Variants in STARD3NL observed in about 807,000 individuals in gnomAD.
The protein encoded by STARD3NL is STARD3 N-terminal like.
STARD3NL carries 17 observed loss-of-function variants against 30.9 expected under a neutral mutation model. The observed-to-expected ratio is 0.55, with a 90% CI of 0.38 to 0.82. The LOEUF (loss-of-function observed/expected upper bound fraction) is 0.82, where lower values mean the gene tolerates loss of function less well. Ranked by LOEUF, STARD3NL falls within the 40% of genes least tolerant of loss-of-function variation. The pLI is 0.00. For synonymous variants in STARD3NL, 112 were observed against 100.5 expected (o/e 1.11, Z -0.69); for missense variants, 234 against 277.6 (o/e 0.84, Z 1.12).
intron 7 of STARD3NL, among the ~76,000 whole-genome samples, chr7:38,222,879 G>A (rs553714980): frequency 2.0e-5 from 3 of 152,218 alleles, no homozygotes; most frequent in Non-Finnish European, 4.4e-5. Flanking sequence ...AATTAAAAAT[G>A]AAAACTGTTA....
At chr7:38,188,434 A>T (rs763162387) in intron 1 of STARD3NL, among the ~76,000 whole-genome samples, 72 of 152,032 alleles carry the variant, frequency 4.7e-4, no homozygotes, top group Non-Finnish European at 4.4e-4. Context: ...AATAATCTCG[A>T]CCCCTCAGTT....
Position 38,217,330 on chromosome 7 carries a change from C to T in STARD3NL, c.553+25C>T, listed in dbSNP as rs377150233. 8 of 1,608,882 alleles carry T rather than the reference C, an allele frequency of 5.0e-6. No homozygotes were observed. The African/African-American group carries it at 8.0e-5, about 16-fold the overall frequency. ...AGTAAGTTCCTCTCAAAGTCAGCCTCCTGAGGCGGACTGGATACCAAGCTG... is the reference window on the plus strand; with the variant it reads ...AGTAAGTTCCTCTCAAAGTCAGCCTTCTGAGGCGGACTGGATACCAAGCTG... On this transcript the variant is annotated intron_variant, in intron 6 of 8. Coordinates refer to ENST00000009041, the MANE Select transcript of STARD3NL (RefSeq NM_032016.4).
intron 4 of STARD3NL, chr7:38,215,352 T>A: frequency 2.0e-6 from 1 of 499,226 alleles, no homozygotes; most frequent in Non-Finnish European, 3.5e-6. Flanking sequence ...CAACAGTGAT[T>A]ATTGGCCAAG....
intron 1 of STARD3NL, among the ~76,000 whole-genome samples, chr7:38,186,130 T>C (rs987452760): frequency 1.3e-5 from 2 of 152,188 alleles, no homozygotes; most frequent in South Asian, 4.1e-4. Context: ...CCAAGGCTGG[T>C]GATACATCTC....
intron 1 of STARD3NL, among the ~76,000 whole-genome samples, chr7:38,180,480 G>C (rs991501200): frequency 4.6e-5 from 7 of 152,196 alleles, no homozygotes; most frequent in Non-Finnish European, 8.8e-5. Context: ...CTTCATTAGA[G>C]CTTGTATTAC....
rs1415727348 is a variant in STARD3NL at position 38,203,931 on chromosome 7, A to G, written c.-58-3516A>G. Among the ~76,000 whole-genome samples the G allele has an allele frequency of 2.0e-5, 3 of 151,896 alleles. No homozygotes were observed. The East Asian group carries it at 6.1e-4, about 31-fold the overall frequency. Reference sequence around the variant, plus strand: ...ATCAATTCAACAAGAAGAGCTAACTATCCTAAATATATATGCACCCAATAC... The same window carrying G: ...ATCAATTCAACAAGAAGAGCTAACTGTCCTAAATATATATGCACCCAATAC... On this transcript the variant is annotated intron_variant, in intron 1 of 8. Transcript: ENST00000009041.
chr7:38,190,891 G>A (rs954364317), intron 1 of STARD3NL, among the ~76,000 whole-genome samples: 2 of 152,084 alleles, frequency 1.3e-5, no homozygotes, highest in Non-Finnish European at 2.9e-5. Context: ...CTAAATTCAA[G>A]TAAAACTTCT....
intron 1 of STARD3NL, among the ~76,000 whole-genome samples, chr7:38,198,774 G>A (rs1400702162): frequency 6.6e-6 from 1 of 152,150 alleles, no homozygotes; most frequent in Non-Finnish European, 1.5e-5. Context: ...AGTAGTGGTA[G>A]CTCCTGCTCC....
At chr7:38,208,230 T>C (rs1380276708) in intron 2 of STARD3NL, among the ~76,000 whole-genome samples, 1 of 152,208 alleles carries the variant, frequency 6.6e-6, no homozygotes, top group Non-Finnish European at 1.5e-5. Context: ...TTGGAATATG[T>C]TTTAGATGTT....
At chr7:38,181,030 A>C (rs1784224161) in intron 1 of STARD3NL, among the ~76,000 whole-genome samples, 1 of 152,228 alleles carries the variant, frequency 6.6e-6, no homozygotes, top group Non-Finnish European at 1.5e-5. Context: ...TGTAAAAGTT[A>C]ATTTTAAAGA....
intron 7 of STARD3NL, among the ~76,000 whole-genome samples, chr7:38,221,611 A>C (rs567167859): frequency 6.6e-6 from 1 of 152,346 alleles, no homozygotes; most frequent in African/African-American, 2.4e-5. Flanking sequence ...CCAGTGCTAG[A>C]GTTCATGCTT....
intron 2 of STARD3NL, among the ~76,000 whole-genome samples, 162 bp downstream of exon 2, chr7:38,207,891 A>C (rs1785583967): frequency 6.6e-6 from 1 of 152,042 alleles, no homozygotes; most frequent in African/African-American, 2.4e-5. Flanking sequence ...CTTGTTCTTT[A>C]ATATTATTGT....
rs1786785655 is a variant in STARD3NL at position 38,226,642 on chromosome 7, C to T, written c.650-2157C>T. Among the ~76,000 whole-genome samples, 3 of 152,242 alleles carry T rather than the reference C, an allele frequency of 2.0e-5. No individual in the cohort carries two copies. In the South Asian group the frequency reaches 6.2e-4, roughly 31 times the overall value. The stretch of plus-strand genomic sequence containing the variant: ...TCAGGCTAATTGGCTGGCTTGGGCT[C>T]TCTTGGGTCTCCTCTGTGCATGGAG... On this transcript the variant is annotated intron_variant, in intron 7 of 8. Coordinates refer to ENST00000009041, the MANE Select transcript of STARD3NL (RefSeq NM_032016.4).
chr7:38,179,708 A>G lies in STARD3NL; in HGVS notation c.-59+1288A>G, dbSNP rs1465499332. Among the ~76,000 whole-genome samples, 4 of 152,234 alleles carry G rather than the reference A, an allele frequency of 2.6e-5. No individual in the cohort carries two copies. In the East Asian group the frequency reaches 5.8e-4, roughly 22 times the overall value. On this transcript the variant is annotated intron_variant, in intron 1 of 8. Transcript: ENST00000009041. ...ATGTAAATCAAAGAGACAAGTTTAG[A>G]TAGGAATAAATGTCAGAAAAGATAC... is the stretch of plus-strand genomic sequence containing the variant.
At chr7:38,188,213 T>G (rs371604996) in intron 1 of STARD3NL, among the ~76,000 whole-genome samples, 14 of 152,324 alleles carry the variant, frequency 9.2e-5, no homozygotes, top group East Asian at 7.7e-4. Flanking sequence ...CAGCCCTTTG[T>G]TAACTGATCT....
chr7:38,194,192 T>C (rs1320724669), intron 1 of STARD3NL, among the ~76,000 whole-genome samples: 2 of 152,324 alleles, frequency 1.3e-5, no homozygotes. Flanking sequence ...ACTTATACTT[T>C]GAAAGTGACC....
chr7:38,191,229 A>G (rs1381017190), intron 1 of STARD3NL, among the ~76,000 whole-genome samples: 1 of 152,060 alleles, frequency 6.6e-6, no homozygotes, highest in African/African-American at 2.4e-5. Flanking sequence ...TTACATTTTT[A>G]TGTGACTTTT....
intron 1 of STARD3NL, among the ~76,000 whole-genome samples, chr7:38,202,932 C>T (rs1437000209): frequency 6.6e-6 from 1 of 151,924 alleles, no homozygotes; most frequent in Non-Finnish European, 1.5e-5. Flanking sequence ...CATAGTATTC[C>T]ATGGTGTATA....
At position 38,207,553 on chromosome 7, in the gene STARD3NL, A is replaced by C. The variant is rs1406901141; in HGVS notation, c.49A>C (p.Ser17Arg). 6.2e-7 allele frequency: 1 copy of C among 1,614,010 alleles called. No individual in the cohort carries two copies. The highest frequency in any genetic ancestry group is 1.1e-5 in the South Asian group (1 of 91,086). The stretch of plus-strand genomic sequence containing the variant: ...GGAGAACGCTCTCACCGGGAGCCAG[A>C]GCTCCCATGCTTCTCTGCGCAATAT... ...DMENALTGSQ[S>R]SHASLRNIHS... is the part of the protein sequence containing the mutation. Residue 17 changes from serine (S) to arginine (R), a missense_variant, in exon 2 of 9, where the codon AGC (serine) becomes CGC (arginine). Transcript: ENST00000009041.
Sources: allele counts gnomAD v4.1 joint callset (sites outside exome capture counted in the v4.1 genomes callset), GRCh38; gene constraint gnomAD v4.1.1; transcripts MANE v1.5; gene names NCBI Gene and HGNC (gene_info 2026-07-23, HGNC 2026-07-21).